Variants in MAPKAPK3 observed in about 807,000 individuals in gnomAD.
MAPKAPK3 encodes the protein MAP kinase-activated protein kinase 3.
Under a neutral mutation model 49.2 loss-of-function variants are expected in MAPKAPK3, and 35 were observed. That is an observed-to-expected ratio of 0.71 (90% CI 0.54 to 0.94). The LOEUF is 0.94. Among genes scored for constraint, MAPKAPK3 ranks in the 40% least tolerant of loss-of-function variants. The probability of loss-of-function intolerance (pLI) is 0.00; values close to 1 mark genes in which losing one functional copy is unlikely to be tolerated. For synonymous variants in MAPKAPK3, 178 were observed against 188.7 expected (o/e 0.94, Z 0.46); for missense variants, 398 against 493.1 (o/e 0.81, Z 1.83).
intron 2 of MAPKAPK3, among the ~76,000 whole-genome samples, chr3:50,636,614 C>T (rs1443956100): frequency 2.0e-5 from 3 of 152,070 alleles, no homozygotes; most frequent in Non-Finnish European, 4.4e-5. Context: ...GGGCATTTTA[C>T]TATATGTCAA....
Position 50,640,364 on chromosome 3 carries a change from A to G in MAPKAPK3, c.220-2A>G. The G allele has an allele frequency of 6.2e-7, 1 of 1,612,822 alleles. No homozygotes were observed. The highest frequency in any genetic ancestry group is 8.5e-7 in the Non-Finnish European group (1 of 1,179,266). The stretch of plus-strand genomic sequence containing the variant: ...ACACTTTCTATGTGCACCCACCTAC[A>G]GCTCCTGTATGACAGCCCCAAGGCC... On this transcript the variant is annotated splice_acceptor_variant, in intron 2 of 10. Coordinates refer to ENST00000621469, the MANE Select transcript of MAPKAPK3 (RefSeq NM_001243925.2). LOFTEE classifies it high-confidence loss of function.
At chr3:50,637,639 A>T (rs1010238501) in intron 2 of MAPKAPK3, among the ~76,000 whole-genome samples, 1 of 151,500 alleles carries the variant, frequency 6.6e-6, no homozygotes, top group Non-Finnish European at 1.5e-5. Flanking sequence ...CTCAAAAAAA[A>T]AAAAAAGAAA....
At chr3:50,631,744 CAA>C (rs3838606) in intron 2 of MAPKAPK3, among the ~76,000 whole-genome samples, 11,176 of 152,230 alleles carry the variant, frequency 0.073, 1,091 homozygotes, top group East Asian at 0.33. Context: ...ATGGTAGGTT[CAA>C]AGTGTTTTGT....
chr3:50,639,341 G>T (rs535685760), intron 2 of MAPKAPK3, among the ~76,000 whole-genome samples: 7 of 152,282 alleles, frequency 4.6e-5, no homozygotes, highest in African/African-American at 1.4e-4. Flanking sequence ...CCTTCCCCCA[G>T]TCTCTACCTC....
intron 2 of MAPKAPK3, among the ~76,000 whole-genome samples, chr3:50,632,091 C>T (rs183026934): frequency 6.6e-6 from 1 of 152,362 alleles, no homozygotes; most frequent in Non-Finnish European, 1.5e-5. Flanking sequence ...ATGTGCTGGC[C>T]TCAGTCTTCA....
At chr3:50,619,467 T>G (rs2032556014) in intron 2 of MAPKAPK3, among the ~76,000 whole-genome samples, 3 of 152,124 alleles carry the variant, frequency 2.0e-5, no homozygotes, top group African/African-American at 7.2e-5. Flanking sequence ...AGGAATGGGA[T>G]TCTCTGAGTC....
intron 2 of MAPKAPK3, among the ~76,000 whole-genome samples, chr3:50,635,971 G>T (rs2033031631): frequency 6.7e-6 from 1 of 150,186 alleles, no homozygotes; most frequent in South Asian, 2.1e-4. Context: ...AATTAGCCAG[G>T]TGTGGTGGCA....
exon 1 of MAPKAPK3, chr3:50,611,926 C>T (rs1428096409): frequency 1.6e-5 from 7 of 442,834 alleles, no homozygotes; most frequent in African/African-American, 1.4e-4. Flanking sequence ...CGGTGGGGCC[C>T]GGGCGGGGTG....
rs1576019922 is a variant in MAPKAPK3 at position 50,649,168 on chromosome 3, G to C, written c.*1122G>C. On this transcript the variant is annotated 3_prime_UTR_variant, in exon 11 of 11. Transcript: ENST00000621469. ...GCCTGATACTGCCTGACAAGTGCCT[G>C]ACACGCAGCCTAGTTCCTTCCTGGC... 2 of 152,384 alleles carry C rather than the reference G, an allele frequency of 1.3e-5. No homozygotes were observed. Among genetic ancestry groups the C allele is most frequent in the Non-Finnish European group, 2.9e-5 (2 of 68,152 alleles). 9.4% of individuals were successfully genotyped at this position (152,384 alleles called of 1,614,324 possible).
chr3:50,627,457 G>C (rs1362817001), intron 2 of MAPKAPK3, among the ~76,000 whole-genome samples: 1 of 152,208 alleles, frequency 6.6e-6, no homozygotes, highest in African/African-American at 2.4e-5. Flanking sequence ...GATGCCACCA[G>C]CAAGGGCTAT....
At chr3:50,640,650 C>G in intron 3 of MAPKAPK3, 145 bp downstream of exon 3, 1 of 1,004,546 alleles carries the variant, frequency 1.0e-6, no homozygotes, top group South Asian at 1.7e-5. Context: ...GAGCAGGCAG[C>G]CGCAGGCCCT....
chr3:50,625,245 G>A (rs2032709786), intron 2 of MAPKAPK3, among the ~76,000 whole-genome samples: 1 of 152,162 alleles, frequency 6.6e-6, no homozygotes, highest in African/African-American at 2.4e-5. Flanking sequence ...TCAGAAGGCA[G>A]GGCTCTCATT....
At chr3:50,641,067 C>T (rs539672038) in intron 3 of MAPKAPK3, among the ~76,000 whole-genome samples, 3 of 152,276 alleles carry the variant, frequency 2.0e-5, no homozygotes, top group Admixed American at 1.3e-4. Context: ...GCTATGTGAC[C>T]GTGGGCAGCT....
chr3:50,648,030 G>A lies in MAPKAPK3; in HGVS notation c.1133G>A (p.Gly378Asp). ...KQAGSSSASQ[G>D]CNNQ ...GCAGGCAGCTCCTCTGCCTCACAGG[G>A]CTGCAACAACCAGTAGCTCATGGGG... The change falls in exon 11 of 11, where the codon GGC becomes GAC. Residue 378 changes from glycine to aspartate, a missense_variant. Around this residue, in one of 5 missense-constraint regions of MAPKAPK3, gnomAD observed 152 missense variants for 177.3 expected, o/e 0.86. Coordinates refer to ENST00000621469, the MANE Select transcript of MAPKAPK3 (RefSeq NM_001243925.2). The A allele has an allele frequency of 6.2e-7, 1 of 1,613,296 alleles. No individual in the cohort carries two copies. The highest frequency in any genetic ancestry group is 8.5e-7 in the Non-Finnish European group (1 of 1,179,782).
intron 2 of MAPKAPK3, among the ~76,000 whole-genome samples, chr3:50,633,440 A>C (rs1486142799): frequency 6.6e-6 from 1 of 151,740 alleles, no homozygotes; most frequent in African/African-American, 2.4e-5. Flanking sequence ...GCACACACAC[A>C]CACCCACATG....
At position 50,640,509 on chromosome 3, in the gene MAPKAPK3, T is replaced by G; in HGVS notation, c.359+4T>G. Reference sequence around the variant, plus strand: ...GTCTCCTCATCATCATGGAATGGTATGCTGGCCTGCCCTGTCTCCACACCC... The same window carrying G: ...GTCTCCTCATCATCATGGAATGGTAGGCTGGCCTGCCCTGTCTCCACACCC... On this transcript the variant is annotated splice_donor_region_variant and intron_variant, in intron 3 of 10. Transcript: ENST00000621469. The G allele has an allele frequency of 6.2e-7, 1 of 1,607,122 alleles. No individual in the cohort carries two copies. The highest frequency in any genetic ancestry group is 2.2e-5 in the East Asian group (1 of 44,658).
chr3:50,647,986 C>A lies in MAPKAPK3; in HGVS notation c.1089C>A (p.Asn363Lys). ...DLKTSNNRLL[N>K]KRRKKQAGSS... ...AGACCTCTAACAACCGGCTCCTCAA[C>A]AAGAGGAGAAAAAAGCAGGCAGGCA... is the stretch of plus-strand genomic sequence containing the variant. The change falls in exon 11 of 11, where the codon AAC becomes AAA. Residue 363 changes from asparagine to lysine, a missense_variant. Transcript: ENST00000621469. 6.2e-7 allele frequency: 1 copy of A among 1,613,816 alleles called. No individual in the cohort carries two copies. The highest frequency in any genetic ancestry group is 8.5e-7 in the Non-Finnish European group (1 of 1,179,902).
At chr3:50,627,259 A>G (rs968885417) in intron 2 of MAPKAPK3, among the ~76,000 whole-genome samples, 1 of 150,780 alleles carries the variant, frequency 6.6e-6, no homozygotes, top group African/African-American at 2.4e-5. Flanking sequence ...CTGTGAAGAC[A>G]TGTTAGGTGG....
chr3:50,647,749 G>A, intron 10 of MAPKAPK3, 145 bp from the exon 11 acceptor site: 1 of 729,718 alleles, frequency 1.4e-6, no homozygotes, highest in Non-Finnish European at 2.3e-6. Context: ...GATGCAAAGG[G>A]CTTGGCCCAG....
Sources: gnomAD v4.1 joint callset for allele counts (sites outside exome capture counted in the v4.1 genomes callset) on GRCh38, gnomAD v4.1.1 for gene constraint, gnomAD v4.1.1 regional missense constraint, MANE v1.5 for transcripts, NCBI Gene and HGNC (gene_info 2026-07-23, HGNC 2026-07-21) for gene names.